Variants in MAP3K13 observed in about 807,000 individuals in gnomAD.
The protein encoded by MAP3K13 is mitogen-activated protein kinase kinase kinase 13.
A neutral mutation model predicts 104.0 loss-of-function variants in MAP3K13; 52 were observed. That is an observed-to-expected ratio of 0.50 (90% CI 0.40 to 0.63). MAP3K13 has a LOEUF of 0.63. Among genes scored for constraint, MAP3K13 ranks in the 20% least tolerant of loss-of-function variants. MAP3K13 has a pLI of 0.00. For synonymous variants in MAP3K13, 394 were observed against 442.2 expected, an observed-to-expected ratio of 0.89 and a Z score of 1.37; for missense variants, 914 against 1,218.5, an observed-to-expected ratio of 0.75 and a Z score of 3.72.
intron 2 of MAP3K13, among the ~76,000 whole-genome samples, chr3:185,336,566 A>G (rs1045380437): frequency 4.0e-5 from 1 of 25,282 alleles, no homozygotes; most frequent in Non-Finnish European, 7.5e-5. Context: ...AAGAAAAGAA[A>G]GTTTAAGGAA....
chr3:185,414,250 C>T (rs1363846542), intron 1 of MAP3K13, among the ~76,000 whole-genome samples: 2 of 152,196 alleles, frequency 1.3e-5, no homozygotes, highest in African/African-American at 4.8e-5. Context: ...AGAGCGGTTT[C>T]ACATAATCTC....
At chr3:185,388,068 C>T (rs373299168) in intron 1 of MAP3K13, among the ~76,000 whole-genome samples, 1 of 150,532 alleles carries the variant, frequency 6.6e-6, no homozygotes, top group African/African-American at 2.4e-5. Context: ...AAATATATAC[C>T]AACAACAAAC....
upstream of MAP3K13, among the ~76,000 whole-genome samples, chr3:185,360,621 G>T (rs577072292): frequency 9.2e-5 from 14 of 152,196 alleles, 1 homozygote; most frequent in Non-Finnish European, 1.6e-4. Context: ...TCTTACTGAA[G>T]TGGCAAGTCC....
Position 185,488,185 on chromosome 3 carries a change from A to G in MAP3K13, c.*5729A>G, listed in dbSNP as rs563095092. 6.6e-6 allele frequency: 1 copy of G among 152,322 alleles called. No homozygotes were observed. Among genetic ancestry groups the G allele is most frequent in the Admixed American group, 6.5e-5 (1 of 15,306 alleles). The allele number at this position is 152,322 out of a possible 1,614,324, so 9.4% of individuals were successfully genotyped here. ...GACTCTGTGAGACTCATGTACCAAAACAATGTGACATTCTTTTCGAGACTT... is the reference window on the plus strand; with the variant it reads ...GACTCTGTGAGACTCATGTACCAAAGCAATGTGACATTCTTTTCGAGACTT... On this transcript the variant is annotated 3_prime_UTR_variant, in exon 14 of 14. Coordinates refer to ENST00000265026, the MANE Select transcript of MAP3K13 (RefSeq NM_004721.5).
chr3:185,437,311 G>C (rs761753350), intron 2 of MAP3K13, 136 bp from the exon 3 acceptor site: 12 of 649,928 alleles, frequency 1.8e-5, no homozygotes, highest in Non-Finnish European at 2.7e-5. Flanking sequence ...AGGTACATAG[G>C]AAGGTTCTAT....
Position 185,473,031 on chromosome 3 carries a change from C to T in MAP3K13, c.1700C>T (p.Ser567Phe). The T allele has an allele frequency of 1.9e-6, 3 of 1,614,188 alleles. No individual in the cohort carries two copies. The highest frequency in any genetic ancestry group is 2.5e-6 in the Non-Finnish European group (3 of 1,180,044). ...IPTTEVAPTA[S>F]PLSGSPKMST... ...ACCACAGAAGTGGCTCCCACTGCAT[C>T]CCCTTTGTCCGGAAGTCCCAAAATG... is the stretch of plus-strand genomic sequence containing the variant. The change falls in exon 11 of 14, where the codon TCC becomes TTC. Residue 567 changes from serine (S) to phenylalanine (F), a missense_variant. Ser to Phe is a radical substitution (Grantham distance 155). Coordinates refer to ENST00000265026, the MANE Select transcript of MAP3K13 (RefSeq NM_004721.5). The surrounding 1 kb of genome is among the most constrained non-coding windows in gnomAD (Gnocchi z 4.9).
intron 2 of MAP3K13, among the ~76,000 whole-genome samples, chr3:185,305,271 T>C (rs1172851331): frequency 6.6e-6 from 1 of 152,214 alleles, no homozygotes; most frequent in African/African-American, 2.4e-5. Flanking sequence ...CTTTCTCTCG[T>C]GTATCTTCTA....
intron 1 of MAP3K13, among the ~76,000 whole-genome samples, chr3:185,412,052 G>A (rs1277407054): frequency 1.3e-5 from 2 of 152,150 alleles, no homozygotes; most frequent in Non-Finnish European, 2.9e-5. Context: ...CCAAAGTGCT[G>A]GGACTACAGG....
intron 12 of MAP3K13, 141 bp from the exon 13 acceptor site, chr3:185,480,091 T>A: frequency 1.3e-6 from 1 of 776,736 alleles, no homozygotes; most frequent in Non-Finnish European, 2.1e-6. Context: ...AGTTAAATAG[T>A]TTCTACCTAT....
chr3:185,486,490 A>C lies in MAP3K13; in HGVS notation c.*4034A>C, dbSNP rs1718723668. Reference sequence around the variant, plus strand: ...CTTGTGATAACCGGGAAAATCTTGAATTGATGTATGTTTCTTTGAGAACGA... The same window carrying C: ...CTTGTGATAACCGGGAAAATCTTGACTTGATGTATGTTTCTTTGAGAACGA... On this transcript the variant is annotated 3_prime_UTR_variant, in exon 14 of 14. Coordinates refer to ENST00000265026, the MANE Select transcript of MAP3K13 (RefSeq NM_004721.5). The C allele has an allele frequency of 6.6e-6, 1 of 152,182 alleles. No homozygotes were observed. Among genetic ancestry groups the C allele is most frequent in the Non-Finnish European group, 1.5e-5 (1 of 68,046 alleles). 9.4% of individuals were successfully genotyped at this position (152,182 alleles called of 1,614,324 possible).
chr3:185,440,137 TTTTTTGTTAATC>T (rs1364666046), intron 3 of MAP3K13, among the ~76,000 whole-genome samples: 1 of 152,172 alleles, frequency 6.6e-6, no homozygotes, highest in African/African-American at 2.4e-5. Flanking sequence ...TGCATCCAAT[TTTTTTGTTAATC>T]TTTTAAGAAA....
At chr3:185,321,370 A>C (rs1022172625) in intron 2 of MAP3K13, among the ~76,000 whole-genome samples, 2 of 152,240 alleles carry the variant, frequency 1.3e-5, no homozygotes, top group African/African-American at 4.8e-5. Flanking sequence ...TTCATTAAGC[A>C]TCTGGTTATA....
intron 7 of MAP3K13, among the ~76,000 whole-genome samples, chr3:185,461,058 G>A (rs777626494): frequency 5.9e-5 from 9 of 151,944 alleles, no homozygotes; most frequent in South Asian, 4.2e-4. Context: ...TCATTCTTTC[G>A]CCTCCTAAGG....
chr3:185,387,049 C>T (rs985682598), intron 1 of MAP3K13, among the ~76,000 whole-genome samples: 1 of 152,216 alleles, frequency 6.6e-6, no homozygotes, highest in Admixed American at 6.5e-5. Context: ...GCACATGTAT[C>T]TCTGAACTTA....
chr3:185,364,796 A>G (rs1723793562), intron 1 of MAP3K13, among the ~76,000 whole-genome samples: 7 of 152,190 alleles, frequency 4.6e-5, no homozygotes, highest in Admixed American at 4.6e-4. Context: ...TCGGACAATT[A>G]TGGTTTCATA....
intron 2 of MAP3K13, among the ~76,000 whole-genome samples, chr3:185,286,393 T>C (rs1319739690): frequency 6.6e-6 from 1 of 152,118 alleles, no homozygotes; most frequent in Admixed American, 6.5e-5. Flanking sequence ...TTTGTTTAAT[T>C]CTATAGCAGG....
At chr3:185,373,303 C>T (rs904665944) in intron 1 of MAP3K13, among the ~76,000 whole-genome samples, 1 of 152,150 alleles carries the variant, frequency 6.6e-6, no homozygotes, top group Non-Finnish European at 1.5e-5. Context: ...CCAAATTCCT[C>T]AGATTCTCCT....
chr3:185,473,699 C>A lies in MAP3K13; in HGVS notation c.2368C>A (p.Leu790Ile). ...EFSGCRSESS[L>I]GTSHLGTPPA... ...CAGCGGCTGTAGGTCTGAGTCATCC[C>A]TCGGCACCTCTCATCTCGGCACCCC... The change falls in exon 11 of 14, where the codon CTC becomes ATC. Residue 790 changes from leucine (L) to isoleucine (I), a missense_variant. Physicochemically the swap from Leu to Ile is conservative, Grantham distance 5. Around this residue, in one of 3 missense-constraint regions of MAP3K13, gnomAD observed 583 missense variants for 737.4 expected, o/e 0.79. Transcript: ENST00000265026. This position sits in a 1 kb window ranked among gnomAD's most constrained non-coding sequence, Gnocchi z 4.9. The A allele has an allele frequency of 1.2e-6, 2 of 1,614,096 alleles. No individual in the cohort carries two copies. Among genetic ancestry groups the A allele is most frequent in the Non-Finnish European group, 1.7e-6 (2 of 1,180,022 alleles).
At chr3:185,435,491 G>C (rs1053019441) in intron 2 of MAP3K13, among the ~76,000 whole-genome samples, 3 of 152,122 alleles carry the variant, frequency 2.0e-5, no homozygotes, top group Admixed American at 2.0e-4. Context: ...AATAGCCAAC[G>C]CTATCACTTG....
Sources: gnomAD v4.1 joint callset for allele counts (sites outside exome capture counted in the v4.1 genomes callset) on GRCh38, gnomAD v4.1.1 for gene constraint, gnomAD v4.1.1 regional missense constraint, Gnocchi (gnomAD v3.1) non-coding constraint, MANE v1.5 for transcripts, NCBI Gene and HGNC (gene_info 2026-07-23, HGNC 2026-07-21) for gene names.